Variants in AP1G1 observed in about 807,000 individuals in gnomAD.
AP1G1 encodes adaptor related protein complex 1 subunit gamma 1, also known as AP-1 complex subunit gamma-1.
In AP1G1, 7 loss-of-function variants were observed where a neutral mutation model predicts 108.3. The observed-to-expected ratio is 0.06, with a 90% CI of 0.04 to 0.12. The LOEUF (loss-of-function observed/expected upper bound fraction) is 0.12, where lower values mean the gene tolerates loss of function less well. AP1G1 is among the 10% of genes least tolerant of loss of function. AP1G1 has a pLI of 1.00. For missense variants in AP1G1, 756 were observed against 1,010.7 expected (o/e 0.75, Z 3.42); for synonymous variants, 379 against 353.5 (o/e 1.07, Z -0.81).
chr16:71,736,884 C>T (rs1425020729), intron 21 of AP1G1, among the ~76,000 whole-genome samples: 3 of 151,772 alleles, frequency 2.0e-5, no homozygotes, highest in Non-Finnish European at 2.9e-5. Context: ...CGTGAGCCAC[C>T]GCGCCCAGCA....
At chr16:71,777,014 CAGG>C (rs976744995) in intron 2 of AP1G1, among the ~76,000 whole-genome samples, 3 of 137,078 alleles carry the variant, frequency 2.2e-5, no homozygotes, top group East Asian at 4.3e-4. Flanking sequence ...GAGGCTGAGG[CAGG>C]AGAATGGTTT....
At chr16:71,778,205 T>G (rs973867137) in intron 2 of AP1G1, among the ~76,000 whole-genome samples, 1 of 152,220 alleles carries the variant, frequency 6.6e-6, no homozygotes, top group Non-Finnish European at 1.5e-5. Flanking sequence ...CCCCCATTTA[T>G]AGTGACTCTG....
intron 1 of AP1G1, chr16:71,808,483 A>T: frequency 8.1e-7 from 1 of 1,239,342 alleles, no homozygotes; most frequent in Non-Finnish European, 1.0e-6. Context: ...TGAGAAAGTC[A>T]AGGGTTCAAG....
intron 1 of AP1G1, among the ~76,000 whole-genome samples, chr16:71,803,200 T>G (rs2032870155): frequency 6.6e-6 from 1 of 151,782 alleles, no homozygotes; most frequent in Non-Finnish European, 1.5e-5. Flanking sequence ...GGTGACAGAG[T>G]GAGACTCTGT....
chr16:71,798,974 C>T (rs774407380), intron 1 of AP1G1, among the ~76,000 whole-genome samples: 3 of 149,994 alleles, frequency 2.0e-5, no homozygotes, highest in Non-Finnish European at 3.0e-5. Context: ...AGCGCTCCTA[C>T]AGGAGGAAAA....
At chr16:71,747,431 T>A (rs2030240137) in intron 16 of AP1G1, 1 of 151,976 alleles carries the variant, frequency 6.6e-6, no homozygotes, top group African/African-American at 2.4e-5. Context: ...AATACAAAAA[T>A]TAGCCAGGCA....
chr16:71,781,093 T>C (rs2031997967), intron 2 of AP1G1, among the ~76,000 whole-genome samples: 3 of 152,148 alleles, frequency 2.0e-5, no homozygotes, highest in Non-Finnish European at 4.4e-5. Flanking sequence ...GCTGGGATTA[T>C]AGGCATGGGG....
chr16:71,802,599 G>T (rs192818882), intron 1 of AP1G1, among the ~76,000 whole-genome samples: 26 of 152,162 alleles, frequency 1.7e-4, no homozygotes, highest in African/African-American at 6.0e-4. Flanking sequence ...GCATGGTGGC[G>T]GGCGCCTGTA....
intron 1 of AP1G1, among the ~76,000 whole-genome samples, chr16:71,804,065 G>C (rs576892858): frequency 1.3e-5 from 2 of 148,660 alleles, no homozygotes; most frequent in Non-Finnish European, 3.0e-5. Flanking sequence ...TTTTTTTTTG[G>C]AGACAAGAGT....
intron 13 of AP1G1, chr16:71,750,629 T>TC: frequency 3.5e-6 from 1 of 284,616 alleles, no homozygotes; most frequent in East Asian, 8.4e-5. Context: ...TTGGTCAGGG[T>TC]GGTCTCGAAC....
intron 1 of AP1G1, among the ~76,000 whole-genome samples, chr16:71,793,467 G>T (rs2032474762): frequency 6.6e-6 from 1 of 151,988 alleles, no homozygotes. Context: ...TTAGAAAAGG[G>T]TATCTATGAT....
intron 12 of AP1G1, among the ~76,000 whole-genome samples, chr16:71,754,715 G>T (rs1431076369): frequency 6.6e-6 from 1 of 152,010 alleles, no homozygotes; most frequent in East Asian, 1.9e-4. Context: ...GCAGAAGGAT[G>T]GCTTAAGCCC....
At chr16:71,772,963 G>C (rs894454405) in intron 4 of AP1G1, 2 of 532,458 alleles carry the variant, frequency 3.8e-6, no homozygotes, top group African/African-American at 3.8e-5. Context: ...TAATCACCTT[G>C]CTGTAATACT....
In AP1G1 at chr16:71,729,972, G is replaced by C. The variant is rs1329225450; in HGVS notation, c.*3086C>G. 1 of 152,442 alleles carries C rather than the reference G, an allele frequency of 6.6e-6. No individual in the cohort carries two copies. The highest frequency in any genetic ancestry group is 1.5e-5 in the Non-Finnish European group (1 of 68,046). The allele number at this position is 152,442 out of a possible 1,614,324, so 9.4% of individuals were successfully genotyped here. ...CAATTTCTACGACATAAAAAAAATG[G>C]GAAGCATGTTATATAAACCATTAGT... On this transcript the variant is annotated 3_prime_UTR_variant, in exon 23 of 23. Coordinates refer to ENST00000299980, the MANE Select transcript of AP1G1 (RefSeq NM_001128.6).
chr16:71,806,844 A>T, intron 1 of AP1G1: 1 of 448,514 alleles, frequency 2.2e-6, no homozygotes, highest in Non-Finnish European at 3.7e-6. Flanking sequence ...CTGAGTATTT[A>T]AACTGAAAAT....
chr16:71,769,509 C>G, intron 6 of AP1G1, 114 bp downstream of exon 6: 1 of 1,018,690 alleles, frequency 9.8e-7, no homozygotes, highest in Non-Finnish European at 1.5e-6. Context: ...CTAGTTAAAT[C>G]CCTTATTCAG....
At chr16:71,800,725 T>C (rs2032765596) in intron 1 of AP1G1, among the ~76,000 whole-genome samples, 1 of 151,212 alleles carries the variant, frequency 6.6e-6, no homozygotes, top group African/African-American at 2.4e-5. Flanking sequence ...GGCGTGAACC[T>C]GGGAGGCAGA....
Position 71,794,835 on chromosome 16 carries a change from CTTTTTTT to C in AP1G1, c.-3-5360_-3-5354del, listed in dbSNP as rs55761928. 6.6e-4 allele frequency among the ~76,000 whole-genome samples: 26 copies of C among 39,658 alleles called. 1 individual carries two copies. The highest frequency in any genetic ancestry group is 2.3e-3 in the Admixed American group (5 of 2,214). 26.0% of individuals were successfully genotyped at this position (39,658 alleles called of 152,430 possible). ...TACCATTCTCAGGCCATGAGAAGTG[CTTTTTTT>C]TTTTTTTTTTTTTTTTTTTTTTACT... On this transcript the variant is annotated intron_variant, in intron 1 of 22. Coordinates refer to ENST00000299980, the MANE Select transcript of AP1G1 (RefSeq NM_001128.6).
intron 6 of AP1G1, among the ~76,000 whole-genome samples, chr16:71,768,797 C>T (rs946017975): frequency 6.7e-6 from 1 of 150,336 alleles, no homozygotes; most frequent in Admixed American, 6.6e-5. Flanking sequence ...CACCTGCAGT[C>T]CCAGCTACTT....
Sources: allele counts gnomAD v4.1 joint callset (sites outside exome capture counted in the v4.1 genomes callset), GRCh38; gene constraint gnomAD v4.1.1; transcripts MANE v1.5; gene names NCBI Gene and HGNC (gene_info 2026-07-23, HGNC 2026-07-21).